Variants in KPNB1 observed in about 807,000 individuals in gnomAD.
KPNB1 encodes the protein importin subunit beta-1.
In KPNB1, 7 loss-of-function variants were observed where a neutral mutation model predicts 113.0. That is an observed-to-expected ratio of 0.06 (90% CI 0.04 to 0.12). The LOEUF (loss-of-function observed/expected upper bound fraction) is 0.12, where lower values mean the gene tolerates loss of function less well. Ranked by LOEUF, KPNB1 falls within the 10% of genes least tolerant of loss-of-function variation. The pLI is 1.00. For missense variants in KPNB1, 400 were observed against 1,054.8 expected, an observed-to-expected ratio of 0.38 and a Z score of 8.60; for synonymous variants, 363 against 378.6, an observed-to-expected ratio of 0.96 and a Z score of 0.48.
chr17:47,676,639 G>A, intron 16 of KPNB1, 148 bp downstream of exon 16: 1 of 632,938 alleles, frequency 1.6e-6, no homozygotes, highest in Non-Finnish European at 2.8e-6. Flanking sequence ...CTGAACGTTT[G>A]AACTGGAAGT....
At chr17:47,653,973 A>G (rs1045379424) in intron 3 of KPNB1, among the ~76,000 whole-genome samples, 4 of 152,212 alleles carry the variant, frequency 2.6e-5, no homozygotes, top group Admixed American at 6.5e-5. Context: ...AGTATATTCT[A>G]TCACTGGAAA....
At chr17:47,664,441 A>G (rs2030203371) in intron 8 of KPNB1, among the ~76,000 whole-genome samples, 172 bp downstream of exon 8, 1 of 152,100 alleles carries the variant, frequency 6.6e-6, no homozygotes, top group Admixed American at 6.6e-5. Flanking sequence ...GCACATCAGT[A>G]ATGAGGGCTC....
chr17:47,676,696 A>G (rs2030623488), intron 16 of KPNB1, among the ~76,000 whole-genome samples: 2 of 152,166 alleles, frequency 1.3e-5, no homozygotes, highest in Admixed American at 6.5e-5. Flanking sequence ...ACGGTGGACA[A>G]GATATTAGAT....
intron 9 of KPNB1, 68 bp downstream of exon 9, chr17:47,665,226 T>C: frequency 1.6e-6 from 2 of 1,263,402 alleles, no homozygotes; most frequent in South Asian, 2.4e-5. Context: ...GTGGAAACTT[T>C]CCATGGAAGG....
At position 47,684,939 on chromosome 17, in the gene KPNB1, G is replaced by C. The variant is rs1308761804; in HGVS notation, c.*2535G>C. The C allele has an allele frequency of 6.6e-6, 1 of 152,216 alleles. No individual in the cohort carries two copies. Among genetic ancestry groups the C allele is most frequent in the Non-Finnish European group, 1.5e-5 (1 of 68,038 alleles). 9.4% of individuals were successfully genotyped at this position (152,216 alleles called of 1,614,324 possible). On this transcript the variant is annotated 3_prime_UTR_variant, in exon 22 of 22. Coordinates refer to ENST00000290158, the MANE Select transcript of KPNB1 (RefSeq NM_002265.6). ...GGCAACTGGGTGCAAAATGCATTCTGTTCACTCACTGTCTGGGCCTTCCCC... is the reference window on the plus strand; with the variant it reads ...GGCAACTGGGTGCAAAATGCATTCTCTTCACTCACTGTCTGGGCCTTCCCC...
intron 21 of KPNB1, among the ~76,000 whole-genome samples, chr17:47,681,515 A>G (rs1011359824): frequency 4.0e-5 from 6 of 150,802 alleles, no homozygotes; most frequent in Non-Finnish European, 7.4e-5. Flanking sequence ...CTCGTGATCC[A>G]CCCACCTCGG....
intron 2 of KPNB1, among the ~76,000 whole-genome samples, chr17:47,652,377 T>G (rs1915606186): frequency 6.6e-6 from 1 of 152,194 alleles, no homozygotes. Context: ...ACTACCATAC[T>G]CTGAAACCTT....
intron 4 of KPNB1, 103 bp downstream of exon 4, chr17:47,657,163 GC>G: frequency 1.0e-6 from 1 of 965,400 alleles, no homozygotes; most frequent in Admixed American, 2.1e-5. Context: ...AGAAAGCCAA[GC>G]TAAATTGCAC....
rs767208905 is a variant in KPNB1 at position 47,673,009 on chromosome 17, T to G, written c.1548-9T>G. Reference sequence around the variant, plus strand: ...TGAGGCTTTAAGATTTTCGCTGTGTTCTTTACAGACCTGATGGACACCAGA... The same window carrying G: ...TGAGGCTTTAAGATTTTCGCTGTGTGCTTTACAGACCTGATGGACACCAGA... On this transcript the variant is annotated splice_polypyrimidine_tract_variant and intron_variant, in intron 12 of 21. Transcript: ENST00000290158. 1.9e-6 allele frequency: 3 copies of G among 1,609,964 alleles called. No homozygotes were observed. The African/African-American group carries it at 4.0e-5, about 22-fold the overall frequency.
At position 47,662,962 on chromosome 17, in the gene KPNB1, G is replaced by A. The variant is rs532677920; in HGVS notation, c.697-127G>A. On this transcript the variant is annotated intron_variant, in intron 6 of 21. Transcript: ENST00000290158. ...ATTAAAGGGAGAGAATGAATTTTAG[G>A]GAAATGATAACGTATCCCATATTTA... 6.1e-5 allele frequency: 43 copies of A among 699,642 alleles called. No individual in the cohort carries two copies. In the African/African-American group the frequency reaches 6.4e-4, roughly 10 times the overall value. 43.3% of individuals were successfully genotyped at this position (699,642 alleles called of 1,614,324 possible).
At chr17:47,657,453 C>T (rs1435130618) in intron 4 of KPNB1, among the ~76,000 whole-genome samples, 1 of 152,144 alleles carries the variant, frequency 6.6e-6, no homozygotes, top group Non-Finnish European at 1.5e-5. Context: ...GTTGGTTTAG[C>T]CACTGGAGAC....
rs1915518369 is a variant in KPNB1 at position 47,650,561 on chromosome 17, T to TCCCCCCTCCCCCTCCC, written c.99+123_99+138dup. On this transcript the variant is annotated intron_variant, in intron 2 of 21. Coordinates refer to ENST00000290158, the MANE Select transcript of KPNB1 (RefSeq NM_002265.6). Reference sequence around the variant, plus strand: ...CCTACCCCGCCCCATCCCGTCCCCCTCCCCCCTCCCCCTCCCCCCCCAACC... The same window carrying TCCCCCCTCCCCCTCCC: ...CCTACCCCGCCCCATCCCGTCCCCCTCCCCCCTCCCCCTCCCCCCCCCTCCCCCTCCCCCCCCAACC... The TCCCCCCTCCCCCTCCC allele has an allele frequency of 3.7e-5, 15 of 405,866 alleles. No homozygotes were observed. The African/African-American group carries it at 6.4e-4, about 17-fold the overall frequency. 25.1% of individuals were successfully genotyped at this position (405,866 alleles called of 1,614,324 possible).
At chr17:47,652,123 T>G (rs1003013399) in intron 2 of KPNB1, among the ~76,000 whole-genome samples, 46 of 152,206 alleles carry the variant, frequency 3.0e-4, no homozygotes, top group African/African-American at 1.1e-3. Context: ...AAGTTTGTTT[T>G]AGGCTTATCT....
intron 9 of KPNB1, among the ~76,000 whole-genome samples, chr17:47,666,299 C>T (rs1453667552): frequency 1.3e-5 from 2 of 151,686 alleles, no homozygotes; most frequent in African/African-American, 2.4e-5. Context: ...GTGATCCGCC[C>T]GCCTCAGCTT....
chr17:47,657,677 C>T lies in KPNB1; in HGVS notation c.483+617C>T, dbSNP rs373180218. The stretch of plus-strand genomic sequence containing the variant: ...TAGAGTACAGATGGCCTGGAAAATA[C>T]GAACAGACTGCCATCTCCATTTGCA... On this transcript the variant is annotated intron_variant, in intron 4 of 21. Coordinates refer to ENST00000290158, the MANE Select transcript of KPNB1 (RefSeq NM_002265.6). Among the ~76,000 whole-genome samples, 3 of 152,304 alleles carry T rather than the reference C, an allele frequency of 2.0e-5. No homozygotes were observed. In the East Asian group the frequency reaches 5.8e-4, roughly 29 times the overall value.
intron 2 of KPNB1, among the ~76,000 whole-genome samples, chr17:47,651,009 C>A (rs569470579): frequency 6.6e-6 from 1 of 152,010 alleles, no homozygotes; most frequent in Non-Finnish European, 1.5e-5. Context: ...CCTCTTTGCT[C>A]GGTTATTCCT....
intron 5 of KPNB1, among the ~76,000 whole-genome samples, chr17:47,659,102 A>T (rs1273313326): frequency 6.6e-6 from 1 of 152,144 alleles, no homozygotes; most frequent in Non-Finnish European, 1.5e-5. Context: ...TAATCCCAGC[A>T]CTTTGGGAGG....
At chr17:47,681,025 T>C (rs1237287985) in intron 21 of KPNB1, among the ~76,000 whole-genome samples, 1 of 151,920 alleles carries the variant, frequency 6.6e-6, no homozygotes, top group Non-Finnish European at 1.5e-5. Context: ...TGCCTAGCTC[T>C]AGAGAAGATT....
intron 9 of KPNB1, among the ~76,000 whole-genome samples, chr17:47,667,280 C>CTA (rs2030316370): frequency 6.6e-6 from 1 of 152,050 alleles, no homozygotes; most frequent in Admixed American, 6.6e-5. Context: ...GTGTGTGCCA[C>CTA]TATACCCAGC....
Sources: gnomAD v4.1 joint callset for allele counts (sites outside exome capture counted in the v4.1 genomes callset) on GRCh38, gnomAD v4.1.1 for gene constraint, MANE v1.5 for transcripts, NCBI Gene and HGNC (gene_info 2026-07-23, HGNC 2026-07-21) for gene names.